NTM: variants seen among roughly 807,000 people sequenced by gnomAD.
The protein encoded by NTM is IgLON family member 2.
In NTM, 13 loss-of-function variants were observed where a neutral mutation model predicts 42.1. The ratio of observed to expected loss-of-function variants is 0.31; its 90% CI spans 0.20 to 0.49. The LOEUF (loss-of-function observed/expected upper bound fraction) is 0.49, where lower values mean the gene tolerates loss of function less well. Among genes scored for constraint, NTM ranks in the 20% least tolerant of loss-of-function variants. NTM has a pLI of 0.99. For missense variants in NTM, 373 were observed against 452.8 expected (o/e 0.82, Z 1.60); for synonymous variants, 187 against 179.2 (o/e 1.04, Z -0.35).
intron 3 of NTM, among the ~76,000 whole-genome samples, chr11:132,156,089 C>T (rs758375667): frequency 2.0e-5 from 3 of 152,156 alleles, no homozygotes; most frequent in Non-Finnish European, 4.4e-5. Flanking sequence ...ACCCACTTTG[C>T]ACCCCTCACC....
chr11:132,240,133 C>T (rs373767415), intron 4 of NTM, among the ~76,000 whole-genome samples: 2 of 152,164 alleles, frequency 1.3e-5, no homozygotes, highest in Admixed American at 1.3e-4. Context: ...TCTGGTAAAG[C>T]TGGAAAAACA....
At chr11:132,292,395 C>A (rs750026566) in intron 4 of NTM, among the ~76,000 whole-genome samples, 1 of 152,148 alleles carries the variant, frequency 6.6e-6, no homozygotes, top group Admixed American at 6.5e-5. Flanking sequence ...CTTCTCTATT[C>A]TCCCTCCTCC....
chr11:131,790,937 CAG>C (rs1341793836), intron 1 of NTM, among the ~76,000 whole-genome samples: 6 of 152,212 alleles, frequency 3.9e-5, no homozygotes, highest in African/African-American at 1.4e-4. Context: ...CTATCACACT[CAG>C]AATACAAATA....
intron 3 of NTM, among the ~76,000 whole-genome samples, chr11:132,207,057 G>A (rs1193351040): frequency 1.3e-5 from 2 of 152,158 alleles, no homozygotes; most frequent in African/African-American, 4.8e-5. Context: ...TGTAACAGTA[G>A]GTGTTCACAA....
At chr11:132,000,726 A>G (rs941353028) in intron 2 of NTM, among the ~76,000 whole-genome samples, 1 of 152,186 alleles carries the variant, frequency 6.6e-6, no homozygotes, top group African/African-American at 2.4e-5. Flanking sequence ...GCTGAGTACC[A>G]TGCTGGTACC....
At chr11:132,038,880 C>T (rs2076830930) in intron 2 of NTM, among the ~76,000 whole-genome samples, 1 of 152,204 alleles carries the variant, frequency 6.6e-6, no homozygotes, top group Non-Finnish European at 1.5e-5. Flanking sequence ...AGCGTGGAGC[C>T]TGTGGTCTCC....
At chr11:131,974,516 TAGTG>T (rs2064029455) in intron 2 of NTM, among the ~76,000 whole-genome samples, 1 of 152,154 alleles carries the variant, frequency 6.6e-6, no homozygotes, top group African/African-American at 2.4e-5. Flanking sequence ...GTTCAACACA[TAGTG>T]AGTTAGCATC....
At chr11:131,482,860 A>T in intron 1 of NTM, among the ~76,000 whole-genome samples, 1 of 152,194 alleles carries the variant, frequency 6.6e-6, no homozygotes, top group East Asian at 1.9e-4. Context: ...AGTAAAATTC[A>T]CTATGGGTGT....
chr11:131,973,806 G>C (rs975888829), intron 2 of NTM, among the ~76,000 whole-genome samples: 3 of 152,182 alleles, frequency 2.0e-5, no homozygotes, highest in South Asian at 2.1e-4. Flanking sequence ...GACAGAGTGA[G>C]ACTCAGTCTG....
intron 1 of NTM, among the ~76,000 whole-genome samples, chr11:131,694,755 C>A (rs1367447359): frequency 6.6e-6 from 1 of 152,142 alleles, no homozygotes; most frequent in Non-Finnish European, 1.5e-5. Flanking sequence ...TATGCCAAGA[C>A]CATGAGCTTT....
At chr11:131,693,009 T>A (rs1037262717) in intron 1 of NTM, among the ~76,000 whole-genome samples, 15 of 150,444 alleles carry the variant, frequency 1.0e-4, no homozygotes, top group Non-Finnish European at 2.2e-4. Flanking sequence ...ATAGTAGTAA[T>A]GGCAGAGCAG....
intron 2 of NTM, among the ~76,000 whole-genome samples, chr11:132,025,763 T>C (rs1172043504): frequency 6.6e-6 from 1 of 152,188 alleles, no homozygotes; most frequent in Non-Finnish European, 1.5e-5. Context: ...TATTGAGGAA[T>C]AGCTTTTATC....
chr11:132,245,871 G>C (rs2091046339), intron 4 of NTM, among the ~76,000 whole-genome samples: 1 of 152,144 alleles, frequency 6.6e-6, no homozygotes, highest in Non-Finnish European at 1.5e-5. Flanking sequence ...CTCCCACAGT[G>C]TGCAGAGAGA....
chr11:131,735,468 G>T (rs1451593371), intron 1 of NTM, among the ~76,000 whole-genome samples: 1 of 152,224 alleles, frequency 6.6e-6, no homozygotes, highest in Non-Finnish European at 1.5e-5. Flanking sequence ...TAAAGTCATT[G>T]TGATGAAACA....
chr11:131,658,628 G>A (rs1039403332), intron 1 of NTM, among the ~76,000 whole-genome samples: 24 of 152,164 alleles, frequency 1.6e-4, no homozygotes, highest in African/African-American at 5.6e-4. Context: ...GGAGAAACTT[G>A]CCCAGATGCA....
intron 2 of NTM, among the ~76,000 whole-genome samples, chr11:132,124,320 G>C (rs572022257): frequency 8.5e-5 from 13 of 152,146 alleles, no homozygotes; most frequent in Non-Finnish European, 1.8e-4. Context: ...GGCTGGGCTG[G>C]CTTTTGGTGG....
intron 2 of NTM, among the ~76,000 whole-genome samples, chr11:132,043,087 T>C (rs1594050683): frequency 6.6e-6 from 1 of 152,170 alleles, no homozygotes; most frequent in Non-Finnish European, 1.5e-5. Context: ...TAGCATAAAA[T>C]TGCAATTGAG....
chr11:131,830,350 T>C (rs2042663090), intron 1 of NTM, among the ~76,000 whole-genome samples: 1 of 152,216 alleles, frequency 6.6e-6, no homozygotes, highest in Admixed American at 6.5e-5. Flanking sequence ...TTGTATATTG[T>C]AAAAGACAGA....
chr11:131,493,866 C>G (rs751546063), intron 1 of NTM, among the ~76,000 whole-genome samples: 6 of 152,216 alleles, frequency 3.9e-5, no homozygotes, highest in Non-Finnish European at 8.8e-5. Flanking sequence ...TTCACAGCAT[C>G]CACAACTGAG....
Sources: allele counts gnomAD v4.1 joint callset (sites outside exome capture counted in the v4.1 genomes callset), GRCh38; gene constraint gnomAD v4.1.1; transcripts MANE v1.5; gene names NCBI Gene and HGNC (gene_info 2026-07-23, HGNC 2026-07-21).